CCT6B: variants seen among roughly 807,000 people sequenced by gnomAD.
CCT6B encodes probable T-complex protein 1 subunit zeta-2.
In CCT6B, 49 loss-of-function variants were observed where a neutral mutation model predicts 61.5. The ratio of observed to expected loss-of-function variants is 0.80; its 90% confidence interval spans 0.63 to 1.01. The LOEUF (loss-of-function observed/expected upper bound fraction) is 1.01. Among genes scored for constraint, CCT6B ranks in the 50% least tolerant of loss-of-function variants. The pLI, the probability that CCT6B is intolerant of heterozygous loss-of-function variation, is 0.00. For missense variants in CCT6B, 666 were observed against 634.7 expected, an observed-to-expected ratio of 1.05 and a Z score of -0.53; for synonymous variants, 228 against 214.5, an observed-to-expected ratio of 1.06 and a Z score of -0.55.
chr17:34,961,178 C>T, intron 1 of CCT6B, 79 bp downstream of exon 1: 1 of 1,497,570 alleles, frequency 6.7e-7, no homozygotes. Flanking sequence ...CACAGCGCTA[C>T]GCGGACGCCT....
chr17:34,932,707 T>C (rs558707268), intron 10 of CCT6B, among the ~76,000 whole-genome samples: 28 of 152,374 alleles, frequency 1.8e-4, no homozygotes, highest in African/African-American at 6.5e-4. Flanking sequence ...GATAACTGGC[T>C]GCAAACAGCT....
At chr17:34,934,463 A>C (rs889318905) in intron 10 of CCT6B, among the ~76,000 whole-genome samples, 1 of 152,210 alleles carries the variant, frequency 6.6e-6, no homozygotes, top group Admixed American at 6.5e-5. Context: ...CAATATATAG[A>C]CAAATGAGTA....
intron 3 of CCT6B, among the ~76,000 whole-genome samples, chr17:34,957,697 C>T (rs1339925766): frequency 6.6e-6 from 1 of 152,056 alleles, no homozygotes; most frequent in Non-Finnish European, 1.5e-5. Flanking sequence ...CAATACTAAA[C>T]GAAACACAGA....
chr17:34,936,907 C>T (rs534688391), intron 10 of CCT6B, among the ~76,000 whole-genome samples: 3 of 152,250 alleles, frequency 2.0e-5, no homozygotes, highest in African/African-American at 7.2e-5. Context: ...AATCCACGCA[C>T]TTTGGGAGGC....
chr17:34,956,132 T>C (rs941125010), intron 3 of CCT6B, among the ~76,000 whole-genome samples: 1 of 152,194 alleles, frequency 6.6e-6, no homozygotes, highest in Non-Finnish European at 1.5e-5. Flanking sequence ...TCTAAGCTTC[T>C]TGGTTAGCAT....
intron 8 of CCT6B, among the ~76,000 whole-genome samples, chr17:34,940,182 T>A (rs1024116560): frequency 2.6e-5 from 4 of 151,738 alleles, no homozygotes; most frequent in Admixed American, 1.3e-4. Context: ...GCCCCTCCCC[T>A]CCCACTGCCC....
At position 34,958,776 on chromosome 17, in the gene CCT6B, A is replaced by C. The variant is rs2090377284; in HGVS notation, c.202-82T>G. 9 of 1,004,312 alleles carry C rather than the reference A, an allele frequency of 9.0e-6. No homozygotes were observed. In the South Asian group the frequency reaches 2.3e-4, roughly 25 times the overall value. The allele number at this position is 1,004,312 out of a possible 1,614,324, so 62.2% of individuals were successfully genotyped here. On this transcript the variant is annotated intron_variant, in intron 2 of 13. Transcript: ENST00000314144. ...CCAAAAGCAAGATAACCTAGGGGTCAGTAGCAAAATTAAAAAATGAAATAA... is the reference window on the plus strand; with the variant it reads ...CCAAAAGCAAGATAACCTAGGGGTCCGTAGCAAAATTAAAAAATGAAATAA...
rs148740436 is a variant in CCT6B, at chr17:34,939,061, G to A, written c.1213+122C>T. The stretch of plus-strand genomic sequence containing the variant: ...ATCGCACCACTGCACTAAAGCCTGG[G>A]CAACAGAGGAAGACTCTGTCTAAAA... On this transcript the variant is annotated intron_variant, in intron 10 of 13. Coordinates refer to ENST00000314144, the MANE Select transcript of CCT6B (RefSeq NM_006584.4). 1,573 of 784,596 alleles carry A rather than the reference G, an allele frequency of 2.0e-3. 15 individuals carry two copies. In the African/African-American group the frequency reaches 0.024, roughly 12 times the overall value. The allele number at this position is 784,596 out of a possible 1,614,324, so 48.6% of individuals were successfully genotyped here. A position where few individuals can be genotyped will look rare whatever the true frequency, so the allele number is the denominator to read the frequency against.
chr17:34,953,827 G>A (rs1296000179), intron 4 of CCT6B, among the ~76,000 whole-genome samples: 3 of 151,906 alleles, frequency 2.0e-5, no homozygotes, highest in South Asian at 2.1e-4. Flanking sequence ...GGTGGCACGC[G>A]CCTGTAATCC....
rs2090181717 is a variant in CCT6B at position 34,942,865 on chromosome 17, G to T, written c.656C>A (p.Pro219Gln). 1 of 1,610,484 alleles carries T rather than the reference G, an allele frequency of 6.2e-7. No homozygotes were observed. Among genetic ancestry groups the T allele is most frequent in the Admixed American group, 1.7e-5 (1 of 59,728 alleles). Residue 219 changes from proline to glutamine, a missense_variant, in exon 6 of 14, where the codon CCA (proline) becomes CAA (glutamine). Coordinates refer to ENST00000314144, the MANE Select transcript of CCT6B (RefSeq NM_006584.4). ...GLVLDHGARH[P>Q]DMKKRVEDAF... is the part of the protein sequence containing the mutation. ...ATCTTCTACTCGCTTCTTCATATCTGGATGACGGGCACCATGATCCAAAAC... is the reference window on the plus strand; with the variant it reads ...ATCTTCTACTCGCTTCTTCATATCTTGATGACGGGCACCATGATCCAAAAC...
intron 11 of CCT6B, among the ~76,000 whole-genome samples, chr17:34,931,411 C>T (rs190495335): frequency 5.9e-5 from 9 of 152,222 alleles, no homozygotes; most frequent in Non-Finnish European, 1.0e-4. Context: ...TGCCGCTAGC[C>T]ACATGCCCTC....
intron 7 of CCT6B, among the ~76,000 whole-genome samples, chr17:34,941,476 A>G (rs1413156849): frequency 1.3e-5 from 2 of 152,208 alleles, no homozygotes; most frequent in African/African-American, 4.8e-5. Context: ...AAGTATTGGA[A>G]AGCTGTCAAG....
intron 2 of CCT6B, among the ~76,000 whole-genome samples, chr17:34,959,122 A>C (rs1011631190): frequency 2.7e-3 from 250 of 91,922 alleles, no homozygotes; most frequent in Admixed American, 4.3e-3. Context: ...AAAAAAAAAA[A>C]CTTTTTTTTT....
At position 34,939,335 on chromosome 17, in the gene CCT6B, AG is replaced by A. The variant is rs1282649861; in HGVS notation, c.1066-6del. ...AAAAGTGAACTTTTCTTCACCCTAA[AG>A]GGTGGCACAAAAATATATAACTTTA... On this transcript the variant is annotated splice_region_variant and splice_polypyrimidine_tract_variant and intron_variant, in intron 9 of 13. Transcript: ENST00000314144. 1 of 1,605,122 alleles carries A rather than the reference AG, an allele frequency of 6.2e-7. No individual in the cohort carries two copies. Among genetic ancestry groups the A allele is most frequent in the Non-Finnish European group, 8.5e-7 (1 of 1,175,238 alleles).
chr17:34,949,003 C>A (rs954841649), intron 5 of CCT6B, among the ~76,000 whole-genome samples: 1 of 132,830 alleles, frequency 7.5e-6, no homozygotes, highest in African/African-American at 2.8e-5. Flanking sequence ...CCACTGCCCT[C>A]TAGCCTGGGT....
At chr17:34,959,420 C>G (rs2090386323) in intron 2 of CCT6B, among the ~76,000 whole-genome samples, 167 bp downstream of exon 2, 1 of 151,786 alleles carries the variant, frequency 6.6e-6, no homozygotes, top group Admixed American at 6.6e-5. Context: ...AGTGAGCTAC[C>G]ACACCCGGCC....
At chr17:34,955,303 G>A (rs1272409592) in intron 3 of CCT6B, among the ~76,000 whole-genome samples, 1 of 152,162 alleles carries the variant, frequency 6.6e-6, no homozygotes, top group African/African-American at 2.4e-5. Context: ...AGTTTGAATA[G>A]AATGCAGATT....
At chr17:34,930,293 T>C (rs1208159957) in intron 12 of CCT6B, among the ~76,000 whole-genome samples, 2 of 151,770 alleles carry the variant, frequency 1.3e-5, no homozygotes, top group South Asian at 2.1e-4. Flanking sequence ...AATTAGGCCA[T>C]GTCACACCTC....
chr17:34,940,821 G>A (rs1310914832), intron 7 of CCT6B, among the ~76,000 whole-genome samples, 200 bp from the exon 8 acceptor site: 1 of 151,800 alleles, frequency 6.6e-6, no homozygotes, highest in African/African-American at 2.4e-5. Flanking sequence ...TAAATAATAA[G>A]CCCATTTTAT....
Sources: gnomAD v4.1 joint callset for allele counts (sites outside exome capture counted in the v4.1 genomes callset) on GRCh38, gnomAD v4.1.1 for gene constraint, MANE v1.5 for transcripts, NCBI Gene and HGNC (gene_info 2026-07-23, HGNC 2026-07-21) for gene names.